UBTD2: variants seen among roughly 807,000 people sequenced by gnomAD.
UBTD2 encodes the protein ubiquitin domain containing 2.
UBTD2 carries 9 observed loss-of-function variants against 19.8 expected under a neutral mutation model. That is an observed-to-expected ratio of 0.46 (90% confidence interval 0.27 to 0.79). The LOEUF (loss-of-function observed/expected upper bound fraction) is 0.79, where lower values mean the gene tolerates loss of function less well. UBTD2 is among the 30% of genes least tolerant of loss of function. UBTD2 has a pLI of 0.14. For missense variants in UBTD2, 250 were observed against 300.4 expected (o/e 0.83, Z 1.24); for synonymous variants, 98 against 103.9 (o/e 0.94, Z 0.35).
At chr5:172,220,597 G>C (rs572547539) in intron 2 of UBTD2, among the ~76,000 whole-genome samples, 1 of 152,216 alleles carries the variant, frequency 6.6e-6, no homozygotes, top group East Asian at 1.9e-4. Context: ...ATTGGAGTGA[G>C]CCTGGGCAAC....
chr5:172,238,966 C>A (rs1013167412), intron 1 of UBTD2, among the ~76,000 whole-genome samples: 1 of 152,052 alleles, frequency 6.6e-6, no homozygotes, highest in African/African-American at 2.4e-5. Flanking sequence ...CCGTAACAGA[C>A]GGTGCTAAAC....
At chr5:172,213,114 CT>C (rs953852479) in intron 2 of UBTD2, among the ~76,000 whole-genome samples, 3 of 152,032 alleles carry the variant, frequency 2.0e-5, no homozygotes, top group Admixed American at 2.0e-4. Flanking sequence ...CCTCAGCCTC[CT>C]GAGCAGCTGG....
Position 172,212,123 on chromosome 5 carries a change from T to C in UBTD2, c.412A>G (p.Thr138Ala), listed in dbSNP as rs1394009821. ...GGTGGTGGCTCAGGAATATCCAGAG[T>C]CTCTATGTCGCTCTTTTCCTCTATC... ...NMIEEKSDIETLDIPEPPPNS... is the reference protein window; with the variant it reads ...NMIEEKSDIEALDIPEPPPNS... The change falls in exon 3 of 3, where the codon ACT (threonine) becomes GCT (alanine). Residue 138 changes from threonine to alanine, a missense_variant. Thr to Ala is a moderately conservative substitution (Grantham distance 58). Transcript: ENST00000393792. 2.5e-6 allele frequency: 4 copies of C among 1,614,036 alleles called. No individual in the cohort carries two copies. The highest frequency in any genetic ancestry group is 1.7e-5 in the Admixed American group (1 of 60,012).
At chr5:172,229,314 C>T (rs542032396) in intron 2 of UBTD2, among the ~76,000 whole-genome samples, 2 of 152,056 alleles carry the variant, frequency 1.3e-5, no homozygotes, top group East Asian at 3.9e-4. Context: ...TCCTGGCTAA[C>T]ACGGTGAAAC....
At position 172,257,020 on chromosome 5, in the gene UBTD2, T is replaced by C. The variant is rs530980962; in HGVS notation, c.71-22662A>G. Among the ~76,000 whole-genome samples the C allele has an allele frequency of 2.6e-5, 4 of 152,336 alleles. No individual in the cohort carries two copies. The South Asian group carries it at 6.2e-4, about 24-fold the overall frequency. ...TCCAACTTTTAGGTTCGGAGGTATATGTGCAGGTTTGTTACGTGGGTAAAT... is the reference window on the plus strand; with the variant it reads ...TCCAACTTTTAGGTTCGGAGGTATACGTGCAGGTTTGTTACGTGGGTAAAT... On this transcript the variant is annotated intron_variant, in intron 1 of 2. Transcript: ENST00000393792.
chr5:172,239,455 T>G (rs551216446), intron 1 of UBTD2, among the ~76,000 whole-genome samples: 1 of 152,174 alleles, frequency 6.6e-6, no homozygotes, highest in Admixed American at 6.5e-5. Context: ...AGTTTCACTC[T>G]TGTTGCCCAG....
In UBTD2 at chr5:172,210,286, T is replaced by C. The variant is rs1771415454; in HGVS notation, c.*1544A>G. ...ATTTAAACATTACATTTAAACTAAT[T>C]AGCAGTTTCATTTTGTCATTAAAAT... On this transcript the variant is annotated 3_prime_UTR_variant, in exon 3 of 3. Coordinates refer to ENST00000393792, the MANE Select transcript of UBTD2 (RefSeq NM_152277.3). 1 of 152,224 alleles carries C rather than the reference T, an allele frequency of 6.6e-6. No individual in the cohort carries two copies. Among genetic ancestry groups the C allele is most frequent in the African/African-American group, 2.4e-5 (1 of 41,446 alleles). The allele number at this position is 152,224 out of a possible 1,614,324, so 9.4% of individuals were successfully genotyped here. A position where few individuals can be genotyped will look rare whatever the true frequency, so the allele number is the denominator to read the frequency against.
At chr5:172,270,013 G>T (rs1238811054) in intron 1 of UBTD2, among the ~76,000 whole-genome samples, 1 of 151,580 alleles carries the variant, frequency 6.6e-6, no homozygotes, top group Non-Finnish European at 1.5e-5. Context: ...GGAGGCAGAG[G>T]TTGCAGTGAG....
chr5:172,271,036 C>T (rs1015091048), intron 1 of UBTD2, among the ~76,000 whole-genome samples: 2 of 152,048 alleles, frequency 1.3e-5, no homozygotes, highest in African/African-American at 2.4e-5. Flanking sequence ...CTTAGCAATC[C>T]CCCTAAATGC....
chr5:172,239,954 T>C (rs1343427438), intron 1 of UBTD2, among the ~76,000 whole-genome samples: 1 of 152,192 alleles, frequency 6.6e-6, no homozygotes, highest in African/African-American at 2.4e-5. Flanking sequence ...CCCAGATCTC[T>C]CTTTCCATTA....
chr5:172,239,482 A>G (rs1265164329), intron 1 of UBTD2, among the ~76,000 whole-genome samples: 1 of 151,906 alleles, frequency 6.6e-6, no homozygotes, highest in Non-Finnish European at 1.5e-5. Flanking sequence ...GTGCAATGGC[A>G]TGATCTCGGC....
At chr5:172,221,479 G>C (rs961766336) in intron 2 of UBTD2, among the ~76,000 whole-genome samples, 1 of 152,166 alleles carries the variant, frequency 6.6e-6, no homozygotes, top group African/African-American at 2.4e-5. Flanking sequence ...TCCAGCCTGG[G>C]TGACAGAGTA....
rs569612171 is a variant in UBTD2, at chr5:172,224,637, T to G, written c.307+9485A>C. Among the ~76,000 whole-genome samples the G allele has an allele frequency of 2.0e-5, 3 of 152,296 alleles. No homozygotes were observed. In the East Asian group the frequency reaches 5.8e-4, roughly 29 times the overall value. On this transcript the variant is annotated intron_variant, in intron 2 of 2. Coordinates refer to ENST00000393792, the MANE Select transcript of UBTD2 (RefSeq NM_152277.3). ...GGACTCTTCCCGCTCTGCTCCTCAC[T>G]CTTCTCTCTCCTGCTGCCATGTGGA...
intron 2 of UBTD2, among the ~76,000 whole-genome samples, chr5:172,214,691 A>G (rs1166960102): frequency 6.6e-6 from 1 of 152,234 alleles, no homozygotes; most frequent in African/African-American, 2.4e-5. Context: ...ATGGTTACAG[A>G]AGCTCCCGTA....
At chr5:172,280,025 C>T (rs149933983) in intron 1 of UBTD2, among the ~76,000 whole-genome samples, 134 of 151,960 alleles carry the variant, frequency 8.8e-4, no homozygotes, top group Middle Eastern at 3.4e-3. Context: ...TGCTTGAACC[C>T]GGGAGGGCGG....
chr5:172,240,431 CATA>C (rs1430117680), intron 1 of UBTD2, among the ~76,000 whole-genome samples: 5 of 152,106 alleles, frequency 3.3e-5, no homozygotes, highest in African/African-American at 4.8e-5. Context: ...CCAATTGAAG[CATA>C]ATAATTTTAA....
In UBTD2 at chr5:172,268,803, T is replaced by C. The variant is rs371870338; in HGVS notation, c.70+14793A>G. ...AGGAGGAGTTCTGGATTTTAAAAGA[T>C]TGAAGTGACAAATGCAATGTCTAAA... On this transcript the variant is annotated intron_variant, in intron 1 of 2. Transcript: ENST00000393792. 4.4e-4 allele frequency among the ~76,000 whole-genome samples: 67 copies of C among 152,212 alleles called. No homozygotes were observed. The South Asian group carries it at 7.9e-3, about 18-fold the overall frequency.
intron 1 of UBTD2, among the ~76,000 whole-genome samples, chr5:172,235,731 C>T (rs1169276261): frequency 6.6e-6 from 1 of 152,140 alleles, no homozygotes; most frequent in Non-Finnish European, 1.5e-5. Context: ...ATGGGTCATA[C>T]TGACCTACAG....
chr5:172,283,970 G>C (rs1208616201), upstream of UBTD2: 1 of 148,840 alleles, frequency 6.7e-6, no homozygotes, highest in African/African-American at 2.4e-5. The surrounding 1 kb of genome is among the most constrained non-coding windows in gnomAD (Gnocchi z 4.3). Context: ...GGGCCGCAGC[G>C]CCCGCCTCGC....
Sources: gnomAD v4.1 joint callset for allele counts (sites outside exome capture counted in the v4.1 genomes callset) on GRCh38, gnomAD v4.1.1 for gene constraint, Gnocchi (gnomAD v3.1) non-coding constraint, MANE v1.5 for transcripts, NCBI Gene and HGNC (gene_info 2026-07-23, HGNC 2026-07-21) for gene names.